Variants in OXSR1 observed in about 807,000 individuals in gnomAD.
OXSR1 encodes oxidative stress responsive kinase 1.
OXSR1 carries 24 observed loss-of-function variants against 79.8 expected under a neutral mutation model. The ratio of observed to expected loss-of-function variants is 0.30; its 90% CI spans 0.22 to 0.42. OXSR1 has a LOEUF of 0.42. Ranked by LOEUF, OXSR1 falls within the 10% of genes least tolerant of loss-of-function variation. The pLI is 1.00. For missense variants in OXSR1, 430 were observed against 618.4 expected, an observed-to-expected ratio of 0.70 and a Z score of 3.23; for synonymous variants, 226 against 209.2, an observed-to-expected ratio of 1.08 and a Z score of -0.69.
intron 16 of OXSR1, among the ~76,000 whole-genome samples, chr3:38,251,741 A>G (rs913033846): frequency 6.6e-6 from 1 of 152,186 alleles, no homozygotes; most frequent in Non-Finnish European, 1.5e-5. Context: ...TCACAAGTTA[A>G]AGTAAGCTTG....
intron 4 of OXSR1, among the ~76,000 whole-genome samples, chr3:38,213,412 CAA>C (rs1200142777): frequency 6.6e-6 from 1 of 151,960 alleles, no homozygotes; most frequent in East Asian, 1.9e-4. Context: ...TTCTCAAAAA[CAA>C]AGAAAACGTG....
intron 12 of OXSR1, among the ~76,000 whole-genome samples, chr3:38,245,343 A>G (rs1332781453): frequency 6.6e-6 from 1 of 152,164 alleles, no homozygotes; most frequent in East Asian, 1.9e-4. Flanking sequence ...ACATAATTAA[A>G]ATTTATGAAC....
At chr3:38,193,532 A>G in intron 3 of OXSR1, 2 of 514,716 alleles carry the variant, frequency 3.9e-6, no homozygotes, top group South Asian at 3.5e-5. Flanking sequence ...CCTCTGATGA[A>G]TGGGAATAAA....
At chr3:38,245,698 T>C (rs551664022) in intron 12 of OXSR1, among the ~76,000 whole-genome samples, 1 of 152,288 alleles carries the variant, frequency 6.6e-6, no homozygotes, top group East Asian at 1.9e-4. Context: ...TAGGATCAGT[T>C]GTTGCCTATG....
intron 6 of OXSR1, among the ~76,000 whole-genome samples, chr3:38,222,041 T>A (rs1375329749): frequency 6.6e-6 from 1 of 152,236 alleles, no homozygotes. Flanking sequence ...AATAGATGCT[T>A]CACATAAATG....
At chr3:38,204,072 C>T (rs993292679) in intron 4 of OXSR1, among the ~76,000 whole-genome samples, 1 of 151,988 alleles carries the variant, frequency 6.6e-6, no homozygotes, top group Admixed American at 6.6e-5. Flanking sequence ...CCCACTCTTC[C>T]CCCCCCTTTC....
At chr3:38,206,732 T>A (rs530294051) in intron 4 of OXSR1, among the ~76,000 whole-genome samples, 1 of 152,288 alleles carries the variant, frequency 6.6e-6, no homozygotes, top group South Asian at 2.1e-4. Flanking sequence ...CAGACTAAAA[T>A]TCTATTGAGT....
At position 38,198,779 on chromosome 3, in the gene OXSR1, T is replaced by C; in HGVS notation, c.350T>C (p.Val117Ala). The change falls in exon 4 of 18, where the codon GTC (valine) becomes GCC (alanine). Residue 117 changes from valine (V) to alanine (A), a missense_variant. By Grantham distance (64) the Val-to-Ala change is moderately conservative. Transcript: ENST00000311806. ...IVAKGEHKSGVLDESTIATIL... is the reference protein window; with the variant it reads ...IVAKGEHKSGALDESTIATIL... The stretch of plus-strand genomic sequence containing the variant: ...GCAAAAGGGGAACACAAAAGTGGAG[T>C]CCTAGATGAATCTACCATTGCTACG... 1 of 1,612,940 alleles carries C rather than the reference T, an allele frequency of 6.2e-7. No individual in the cohort carries two copies. Among genetic ancestry groups the C allele is most frequent in the Non-Finnish European group, 8.5e-7 (1 of 1,178,988 alleles).
At chr3:38,183,367 A>G (rs1701822901) in intron 2 of OXSR1, among the ~76,000 whole-genome samples, 1 of 152,068 alleles carries the variant, frequency 6.6e-6, no homozygotes, top group South Asian at 2.1e-4. Context: ...TTGTATTTTT[A>G]TGATAATGTA....
At position 38,229,743 on chromosome 3, in the gene OXSR1, A is replaced by G; in HGVS notation, c.885+8A>G. ...TTTTTCCAGAAAGCAAAGGTAGGAA[A>G]TTCCAGCTTTTGATTATGTGTGTTC... On this transcript the variant is annotated splice_region_variant and intron_variant, in intron 9 of 17. Transcript: ENST00000311806. The G allele has an allele frequency of 1.2e-6, 2 of 1,607,512 alleles. No individual in the cohort carries two copies. The highest frequency in any genetic ancestry group is 1.7e-6 in the Non-Finnish European group (2 of 1,174,618).
At chr3:38,166,529 A>C (rs866396979) in intron 1 of OXSR1, among the ~76,000 whole-genome samples, 2 of 152,270 alleles carry the variant, frequency 1.3e-5, no homozygotes, top group African/African-American at 4.8e-5. Context: ...GTGGTGGCTC[A>C]CGCCTGTAAT....
At chr3:38,240,304 C>T (rs1330585415) in intron 11 of OXSR1, among the ~76,000 whole-genome samples, 1 of 152,036 alleles carries the variant, frequency 6.6e-6, no homozygotes, top group African/African-American at 2.4e-5. Context: ...GTAAATGTCT[C>T]AATGTTCTTG....
chr3:38,206,498 T>TAAAAAAAA (rs1175334961), intron 4 of OXSR1, among the ~76,000 whole-genome samples: 1 of 136,324 alleles, frequency 7.3e-6, no homozygotes. Context: ...ATTGCATTCT[T>TAAAAAAAA]AAAAAAAAAA....
At chr3:38,230,495 T>A in intron 10 of OXSR1, 65 bp downstream of exon 10, 1 of 1,033,452 alleles carries the variant, frequency 9.7e-7, no homozygotes, top group South Asian at 1.3e-5. Flanking sequence ...TGAAAACATG[T>A]TAAGTAATAC....
intron 4 of OXSR1, among the ~76,000 whole-genome samples, chr3:38,201,688 C>T (rs889327729): frequency 6.7e-6 from 1 of 150,288 alleles, no homozygotes; most frequent in East Asian, 1.9e-4. Flanking sequence ...CCAGCTTAGG[C>T]GACAGAGCGA....
At chr3:38,235,231 G>A (rs1363906997) in intron 10 of OXSR1, among the ~76,000 whole-genome samples, 4 of 152,184 alleles carry the variant, frequency 2.6e-5, no homozygotes, top group Non-Finnish European at 5.9e-5. Context: ...TGGTTCAGTT[G>A]TATGGTATAT....
intron 14 of OXSR1, among the ~76,000 whole-genome samples, chr3:38,249,075 G>A (rs1251840174): frequency 6.6e-6 from 1 of 152,116 alleles, no homozygotes; most frequent in Non-Finnish European, 1.5e-5. Flanking sequence ...AAAATCATTT[G>A]GGGCATGTTA....
chr3:38,179,379 C>T (rs1286961713), intron 1 of OXSR1, among the ~76,000 whole-genome samples: 1 of 152,018 alleles, frequency 6.6e-6, no homozygotes, highest in African/African-American at 2.4e-5. Flanking sequence ...GTTGCCCATG[C>T]GGGTCTCGAA....
At position 38,252,967 on chromosome 3, in the gene OXSR1, A is replaced by C; in HGVS notation, c.*76A>C. On this transcript the variant is annotated 3_prime_UTR_variant, in exon 18 of 18. Coordinates refer to ENST00000311806, the MANE Select transcript of OXSR1 (RefSeq NM_005109.3). ...CTGTTGCTTCTATTGGCCTAAACCC[A>C]CTACTGCCAAAGAACCCAGCAACAA... is the stretch of plus-strand genomic sequence containing the variant. 1.7e-6 allele frequency: 2 copies of C among 1,198,538 alleles called. No homozygotes were observed. The highest frequency in any genetic ancestry group is 2.5e-6 in the Non-Finnish European group (2 of 807,968). The allele number at this position is 1,198,538 out of a possible 1,614,324, so 74.2% of individuals were successfully genotyped here. A position where few individuals can be genotyped will look rare whatever the true frequency, so the allele number is the denominator to read the frequency against.
Sources: gnomAD v4.1 joint callset for allele counts (sites outside exome capture counted in the v4.1 genomes callset) on GRCh38, gnomAD v4.1.1 for gene constraint, MANE v1.5 for transcripts, NCBI Gene and HGNC (gene_info 2026-07-23, HGNC 2026-07-21) for gene names.